The following PIEZO2 variants were observed in gnomAD, a reference collection of about 807,000 sequenced individuals.
PIEZO2 encodes piezo type mechanosensitive ion channel component 2, also known as piezo-type mechanosensitive ion channel component 2.
PIEZO2 carries 172 observed loss-of-function variants against 337.3 expected under a neutral mutation model. The ratio of observed to expected loss-of-function variants is 0.51; its 90% CI spans 0.45 to 0.58. PIEZO2 has a LOEUF of 0.58. Ranked by LOEUF, PIEZO2 falls within the 20% of genes least tolerant of loss-of-function variation. The pLI, the probability that PIEZO2 is intolerant of heterozygous loss-of-function variation, is 0.00. For synonymous variants in PIEZO2, 1,251 were observed against 1,228.5 expected, an observed-to-expected ratio of 1.02 and a Z score of -0.38; for missense variants, 3,028 against 3,391.3, an observed-to-expected ratio of 0.89 and a Z score of 2.66.
intron 3 of PIEZO2, among the ~76,000 whole-genome samples, chr18:10,913,515 C>T (rs1181519389): frequency 1.3e-5 from 2 of 152,112 alleles, no homozygotes; most frequent in Non-Finnish European, 2.9e-5. Context: ...CAGATATTTT[C>T]AGTATTATTC....
intron 1 of PIEZO2, among the ~76,000 whole-genome samples, chr18:11,133,794 C>A (rs972102705): frequency 2.1e-5 from 3 of 141,230 alleles, no homozygotes; most frequent in Non-Finnish European, 3.2e-5. Flanking sequence ...ACTCCTCTCT[C>A]TATATATATG....
At chr18:10,900,744 A>C (rs1041963913) in intron 4 of PIEZO2, among the ~76,000 whole-genome samples, 2 of 152,132 alleles carry the variant, frequency 1.3e-5, no homozygotes, top group Non-Finnish European at 2.9e-5. Flanking sequence ...GGATAGGAAA[A>C]TCACCCTGGC....
rs2033381847 is a variant in PIEZO2 at position 10,953,413 on chromosome 18, A to C, written c.286+26122T>G. 6.6e-6 allele frequency among the ~76,000 whole-genome samples: 1 copy of C among 152,174 alleles called. No individual in the cohort carries two copies. The highest frequency in any genetic ancestry group is 1.5e-5 in the Non-Finnish European group (1 of 68,024). ...TTAGGTTTATGATTTGTTTTGAGTT[A>C]ATTAATTTTTGTATATGGAGCAAAT... On this transcript the variant is annotated intron_variant, in intron 3 of 55. Transcript: ENST00000674853. The surrounding 1 kb of genome is among the most constrained non-coding windows in gnomAD (Gnocchi z 5.2).
intron 16 of PIEZO2, 54 bp from the exon 17 acceptor site, chr18:10,785,011 C>T: frequency 6.7e-7 from 1 of 1,484,132 alleles, no homozygotes; most frequent in Non-Finnish European, 8.9e-7. Flanking sequence ...AATGAAGTCA[C>T]AAACTCTTTG....
intron 2 of PIEZO2, among the ~76,000 whole-genome samples, chr18:11,060,735 T>C (rs2037918992): frequency 6.6e-6 from 1 of 152,090 alleles, no homozygotes; most frequent in Non-Finnish European, 1.5e-5. Context: ...AATAGACCAA[T>C]AACAGGCTCT....
At position 10,726,477 on chromosome 18, in the gene PIEZO2, C is replaced by A; in HGVS notation, c.5029+4930G>T. 1 of 1,522,826 alleles carries A rather than the reference C, an allele frequency of 6.6e-7. No individual in the cohort carries two copies. Among genetic ancestry groups the A allele is most frequent in the South Asian group, 1.2e-5 (1 of 81,944 alleles). 94.3% of individuals were successfully genotyped at this position (1,522,826 alleles called of 1,614,324 possible). On this transcript the variant is annotated intron_variant, in intron 36 of 55. Transcript: ENST00000674853. The surrounding 1 kb of genome is among the most constrained non-coding windows in gnomAD (Gnocchi z 5.9). ...GAACCCCACGAGGAGGGCCTGGCCA[C>A]CCTGCACAGCGTGCTGCTCCGCAAG...
intron 4 of PIEZO2, among the ~76,000 whole-genome samples, chr18:10,900,197 AC>A (rs2043009082): frequency 6.6e-6 from 1 of 151,764 alleles, no homozygotes; most frequent in Admixed American, 6.6e-5. Flanking sequence ...ACACACACAC[AC>A]ACACACACAC....
Position 10,828,665 on chromosome 18 carries a change from C to A in PIEZO2, c.918-21391G>T, listed in dbSNP as rs79914669. ...TCCTTATGCCAATAATAGCACCATG[C>A]GGGTGGCAATACTGGTCATATGTTC... On this transcript the variant is annotated intron_variant, in intron 7 of 55. Coordinates refer to ENST00000674853, the MANE Select transcript of PIEZO2 (RefSeq NM_001378183.1). This position sits in a 1 kb window ranked among gnomAD's most constrained non-coding sequence, Gnocchi z 4.1. Among the ~76,000 whole-genome samples, 1 of 152,074 alleles carries A rather than the reference C, an allele frequency of 6.6e-6. No individual in the cohort carries two copies. Among genetic ancestry groups the A allele is most frequent in the African/African-American group, 2.4e-5 (1 of 41,414 alleles).
chr18:10,994,025 C>T (rs75393461), intron 2 of PIEZO2, among the ~76,000 whole-genome samples: 5,189 of 152,220 alleles, frequency 0.034, 120 homozygotes, highest in Non-Finnish European at 0.053. Flanking sequence ...TTTCCCCCTG[C>T]GTCCACAAAG....
At chr18:11,076,112 A>G (rs1444624350) in intron 1 of PIEZO2, among the ~76,000 whole-genome samples, 1 of 152,176 alleles carries the variant, frequency 6.6e-6, no homozygotes, top group South Asian at 2.1e-4. Flanking sequence ...ATAAGAAAAT[A>G]TGCTCTCCCA....
intron 17 of PIEZO2, among the ~76,000 whole-genome samples, chr18:10,780,570 G>C (rs1598470033): frequency 1.3e-5 from 2 of 151,474 alleles, no homozygotes; most frequent in Admixed American, 6.6e-5. Context: ...CAATGTTCAG[G>C]AAAAATGCTA....
chr18:10,888,408 C>T lies in PIEZO2; in HGVS notation c.330-16993G>A, dbSNP rs1353229636. Among the ~76,000 whole-genome samples the T allele has an allele frequency of 2.0e-5, 3 of 152,128 alleles. No individual in the cohort carries two copies. The highest frequency in any genetic ancestry group is 4.4e-5 in the Non-Finnish European group (3 of 68,030). On this transcript the variant is annotated intron_variant, in intron 4 of 55. Transcript: ENST00000674853. This position sits in a 1 kb window ranked among gnomAD's most constrained non-coding sequence, Gnocchi z 4.1. The stretch of plus-strand genomic sequence containing the variant: ...GGCCTGTCTTCTACTTTCTCTGCTC[C>T]AAGCCTTTCTACTCTCTGGGCTCCA...
intron 4 of PIEZO2, chr18:10,893,655 A>G (rs1457705223): frequency 3.3e-5 from 5 of 152,188 alleles, no homozygotes; most frequent in East Asian, 3.9e-4. Flanking sequence ...ATTCATGCTC[A>G]TCTCAATGTT....
chr18:10,675,336 C>G, intron 53 of PIEZO2, 48 bp from the exon 54 acceptor site: 1 of 1,228,998 alleles, frequency 8.1e-7, no homozygotes. Context: ...GTTGTTTTAC[C>G]CACCTAAAAT....
chr18:10,782,511 ATAT>A (rs1399390869), intron 17 of PIEZO2, among the ~76,000 whole-genome samples: 6 of 132,600 alleles, frequency 4.5e-5, no homozygotes, highest in East Asian at 2.0e-4. Context: ...TATATTATAT[ATAT>A]TATTATATTA....
chr18:10,925,728 C>T (rs75663919), intron 3 of PIEZO2, among the ~76,000 whole-genome samples: 20,593 of 152,078 alleles, frequency 0.14, 1,887 homozygotes, highest in African/African-American at 0.26. Flanking sequence ...TACAGGCGCC[C>T]GCCCTAATCT....
At position 10,973,300 on chromosome 18, in the gene PIEZO2, C is replaced by T. The variant is rs1007952145; in HGVS notation, c.286+6235G>A. On this transcript the variant is annotated intron_variant, in intron 3 of 55. Coordinates refer to ENST00000674853, the MANE Select transcript of PIEZO2 (RefSeq NM_001378183.1). The surrounding 1 kb of genome is among the most constrained non-coding windows in gnomAD (Gnocchi z 4.9). ...CAATGTGTATTCATTACTCCAAGAG[C>T]GTTGACTCCATCAGATATTGGGCTA... is the stretch of plus-strand genomic sequence containing the variant. Among the ~76,000 whole-genome samples, 5 of 152,168 alleles carry T rather than the reference C, an allele frequency of 3.3e-5. No homozygotes were observed. Among genetic ancestry groups the T allele is most frequent in the African/African-American group, 1.2e-4 (5 of 41,444 alleles).
Position 10,767,510 on chromosome 18 carries a change from G to C in PIEZO2, c.2946+2638C>G, listed in dbSNP as rs1166055493. On this transcript the variant is annotated intron_variant, in intron 21 of 55. Transcript: ENST00000674853. The surrounding 1 kb of genome is among the most constrained non-coding windows in gnomAD (Gnocchi z 4.2). ...CAGTGCCAAGATGATGGGGCAGGTG[G>C]GGATGCAGGGAGGAGAACGTCCTCT... is the stretch of plus-strand genomic sequence containing the variant. 7.3e-6 allele frequency among the ~76,000 whole-genome samples: 1 copy of C among 136,468 alleles called. No homozygotes were observed. The highest frequency in any genetic ancestry group is 1.7e-5 in the Non-Finnish European group (1 of 58,740). The allele number at this position is 136,468 out of a possible 152,430, so 89.5% of individuals were successfully genotyped here.
In PIEZO2 at chr18:10,931,249, G is replaced by C. The variant is rs569530483; in HGVS notation, c.287-20021C>G. Reference sequence around the variant, plus strand: ...CTCGCTCTGTTTGTCGCCCAGGCTGGAGTGCAGTGGCGCCATCTCTGCCCA... The same window carrying C: ...CTCGCTCTGTTTGTCGCCCAGGCTGCAGTGCAGTGGCGCCATCTCTGCCCA... On this transcript the variant is annotated intron_variant, in intron 3 of 55. Transcript: ENST00000674853. 7.9e-5 allele frequency among the ~76,000 whole-genome samples: 12 copies of C among 152,212 alleles called. No homozygotes were observed. In the South Asian group the frequency reaches 2.1e-3, roughly 26 times the overall value.
Sources: gnomAD v4.1 joint callset for allele counts (sites outside exome capture counted in the v4.1 genomes callset) on GRCh38, gnomAD v4.1.1 for gene constraint, Gnocchi (gnomAD v3.1) non-coding constraint, MANE v1.5 for transcripts, NCBI Gene and HGNC (gene_info 2026-07-23, HGNC 2026-07-21) for gene names.